CADPS: variants seen among roughly 807,000 people sequenced by gnomAD.
CADPS encodes the protein calcium dependent secretion activator, also known as calcium-dependent secretion activator 1.
CADPS carries 57 observed loss-of-function variants against 167.3 expected under a neutral mutation model. That is an observed-to-expected ratio of 0.34 (90% confidence interval 0.28 to 0.42). CADPS has a LOEUF of 0.42. CADPS is among the 20% of genes least tolerant of loss of function. The pLI, the probability that CADPS is intolerant of heterozygous loss-of-function variation, is 1.00. For synonymous variants in CADPS, 676 were observed against 635.3 expected (o/e 1.06, Z -0.96); for missense variants, 1,414 against 1,738.1 (o/e 0.81, Z 3.32).
At chr3:62,499,947 T>C (rs1219569284) in intron 17 of CADPS, 1 of 152,200 alleles carries the variant, frequency 6.6e-6, no homozygotes, top group Admixed American at 6.5e-5. Context: ...TTAATTGTTT[T>C]CTTTGTTTTT....
chr3:62,776,693 A>C (rs1352328649), intron 1 of CADPS, among the ~76,000 whole-genome samples: 1 of 152,098 alleles, frequency 6.6e-6, no homozygotes, highest in Non-Finnish European at 1.5e-5. Flanking sequence ...ATGCAGAATC[A>C]GGGAATAGGA....
At chr3:62,580,625 A>G (rs1190328222) in intron 8 of CADPS, among the ~76,000 whole-genome samples, 3 of 152,010 alleles carry the variant, frequency 2.0e-5, no homozygotes, top group Non-Finnish European at 4.4e-5. Context: ...CAAGAAAAAA[A>G]CCACTGACTG....
At chr3:62,853,748 C>T (rs1430480697) in intron 1 of CADPS, among the ~76,000 whole-genome samples, 1 of 151,918 alleles carries the variant, frequency 6.6e-6, no homozygotes, top group Non-Finnish European at 1.5e-5. Flanking sequence ...ATCACTTGAA[C>T]CCAGGAGTTT....
At chr3:62,819,802 G>C (rs548050192) in intron 1 of CADPS, among the ~76,000 whole-genome samples, 101 of 152,260 alleles carry the variant, frequency 6.6e-4, no homozygotes, top group African/African-American at 2.4e-3. Context: ...TTGTTCCTGG[G>C]AACAATAAGT....
intron 9 of CADPS, among the ~76,000 whole-genome samples, chr3:62,568,488 G>A (rs1304137004): frequency 6.6e-6 from 1 of 152,218 alleles, no homozygotes; most frequent in Admixed American, 6.5e-5. Context: ...ATGCCCTTGG[G>A]CATCAGACTC....
chr3:62,543,084 A>G (rs2075960170), intron 11 of CADPS, among the ~76,000 whole-genome samples: 1 of 152,208 alleles, frequency 6.6e-6, no homozygotes, highest in Non-Finnish European at 1.5e-5. Context: ...TTCATTTAAT[A>G]TGGTCTGTTT....
intron 11 of CADPS, among the ~76,000 whole-genome samples, chr3:62,548,933 T>C (rs182167980): frequency 4.6e-5 from 7 of 152,368 alleles, no homozygotes; most frequent in Admixed American, 3.9e-4. Flanking sequence ...ACTTGTTTAC[T>C]ATCTAGGCTT....
rs539322996 is a variant in CADPS, at chr3:62,838,799, T to C, written c.441+35790A>G. On this transcript the variant is annotated intron_variant, in intron 1 of 29. Transcript: ENST00000383710. ...AGAAGGAATTGCTTAGGTCCCAGATTACTGGATGCTGGACAAATCTTGCCC... is the reference window on the plus strand; with the variant it reads ...AGAAGGAATTGCTTAGGTCCCAGATCACTGGATGCTGGACAAATCTTGCCC... 5.3e-5 allele frequency among the ~76,000 whole-genome samples: 8 copies of C among 152,288 alleles called. No homozygotes were observed. In the South Asian group the frequency reaches 1.2e-3, roughly 24 times the overall value.
chr3:62,423,467 G>T (rs1255696246), intron 28 of CADPS, among the ~76,000 whole-genome samples: 2 of 152,192 alleles, frequency 1.3e-5, no homozygotes, highest in African/African-American at 4.8e-5. Flanking sequence ...GATGAATTTG[G>T]GACACATAGC....
chr3:62,866,586 G>A (rs2081733643), intron 1 of CADPS, among the ~76,000 whole-genome samples: 1 of 152,012 alleles, frequency 6.6e-6, no homozygotes, highest in Non-Finnish European at 1.5e-5. Flanking sequence ...TTTCCTAAAG[G>A]AGATAACACT....
At chr3:62,767,504 T>C (rs144698498) in intron 1 of CADPS, among the ~76,000 whole-genome samples, 3,486 of 152,320 alleles carry the variant, frequency 0.023, 63 homozygotes, top group South Asian at 0.061. Flanking sequence ...GTGATTTTAC[T>C]GTTAGAGTCA....
At chr3:62,853,717 T>C (rs1335242137) in intron 1 of CADPS, among the ~76,000 whole-genome samples, 1 of 151,908 alleles carries the variant, frequency 6.6e-6, no homozygotes, top group Non-Finnish European at 1.5e-5. Flanking sequence ...TCCCAGCCCT[T>C]TGGGAGCCTG....
At position 62,811,729 on chromosome 3, in the gene CADPS, G is replaced by A. The variant is rs568515862; in HGVS notation, c.442-45745C>T. Among the ~76,000 whole-genome samples the A allele has an allele frequency of 4.9e-4, 75 of 152,252 alleles. 2 individuals are homozygous for A. The South Asian group carries it at 8.7e-3, about 18-fold the overall frequency. ...TTTCATACAGGGCAAGGGCTGGTGCGTATTAAATCCTCATCAGCTGATTTT... is the reference window on the plus strand; with the variant it reads ...TTTCATACAGGGCAAGGGCTGGTGCATATTAAATCCTCATCAGCTGATTTT... On this transcript the variant is annotated intron_variant, in intron 1 of 29. Transcript: ENST00000383710.
At chr3:62,436,316 T>C (rs747697356) in intron 28 of CADPS, among the ~76,000 whole-genome samples, 2 of 151,768 alleles carry the variant, frequency 1.3e-5, no homozygotes, top group Admixed American at 6.6e-5. Context: ...ACTCACACAA[T>C]AACACACACA....
intron 17 of CADPS, among the ~76,000 whole-genome samples, chr3:62,503,383 G>T (rs990738776): frequency 6.6e-6 from 1 of 152,140 alleles, no homozygotes; most frequent in Admixed American, 6.5e-5. Flanking sequence ...ATATGTTACA[G>T]GGCTGCTGAT....
rs1272728422 is a variant in CADPS, at chr3:62,874,296, C to G, written c.441+293G>C. 6.6e-6 allele frequency among the ~76,000 whole-genome samples: 1 copy of G among 152,304 alleles called. No individual in the cohort carries two copies. Among genetic ancestry groups the G allele is most frequent in the South Asian group, 2.1e-4 (1 of 4,830 alleles). On this transcript the variant is annotated intron_variant, in intron 1 of 29. Transcript: ENST00000383710. The surrounding 1 kb of genome is among the most constrained non-coding windows in gnomAD (Gnocchi z 7.1). ...TCCCCGAGCCTCTCGGTCCACAAAG[C>G]GGGACCTGCCTGCCTCGCTCACCAA...
At chr3:62,813,229 A>G (rs1256787813) in intron 1 of CADPS, among the ~76,000 whole-genome samples, 1 of 152,164 alleles carries the variant, frequency 6.6e-6, no homozygotes, top group East Asian at 1.9e-4. Context: ...ACAAGCCCAC[A>G]GTAACCTAAA....
At chr3:62,840,137 G>T (rs923717437) in intron 1 of CADPS, among the ~76,000 whole-genome samples, 1 of 152,240 alleles carries the variant, frequency 6.6e-6, no homozygotes, top group Non-Finnish European at 1.5e-5. Flanking sequence ...CATTATTATT[G>T]CCATTAGCTT....
chr3:62,662,651 T>C (rs1579921810), intron 3 of CADPS, among the ~76,000 whole-genome samples: 1 of 152,208 alleles, frequency 6.6e-6, no homozygotes, highest in African/African-American at 2.4e-5. Context: ...TCTGAACTGT[T>C]GGGCAGCAGT....
Sources: gnomAD v4.1 joint callset for allele counts (sites outside exome capture counted in the v4.1 genomes callset) on GRCh38, gnomAD v4.1.1 for gene constraint, Gnocchi (gnomAD v3.1) non-coding constraint, MANE v1.5 for transcripts, NCBI Gene and HGNC (gene_info 2026-07-23, HGNC 2026-07-21) for gene names.